Variants in RIPOR2 observed in about 807,000 individuals in gnomAD.
The protein encoded by RIPOR2 is rho family-interacting cell polarization regulator 2.
Under a neutral mutation model 114.5 loss-of-function variants are expected in RIPOR2, and 39 were observed. That is an observed-to-expected ratio of 0.34 (90% CI 0.26 to 0.44). The LOEUF is 0.44. Among genes scored for constraint, RIPOR2 ranks in the 20% least tolerant of loss-of-function variants. The pLI is 1.00. For missense variants in RIPOR2, 1,007 were observed against 1,255.1 expected (o/e 0.80, Z 2.99); for synonymous variants, 445 against 484.4 (o/e 0.92, Z 1.07).
chr6:24,891,564 A>G (rs2113971548), intron 1 of RIPOR2, among the ~76,000 whole-genome samples: 1 of 152,350 alleles, frequency 6.6e-6, no homozygotes, highest in Admixed American at 6.5e-5. Context: ...TATAGCATAA[A>G]GAAAGAACAA....
At position 24,825,244 on chromosome 6, in the gene RIPOR2, A is replaced by T; in HGVS notation, c.2850T>A (p.Asn950Lys). 2.6e-6 allele frequency: 4 copies of T among 1,550,906 alleles called. No homozygotes were observed. The South Asian group carries it at 3.6e-5, about 14-fold the overall frequency. Reference sequence around the variant, plus strand: ...GTCTTACCTTTTCCCTGAAATGCTGATTTTTGGAGGCTGCTGCCAAGTAAA... The same window carrying T: ...GTCTTACCTTTTCCCTGAAATGCTGTTTTTTGGAGGCTGCTGCCAAGTAAA... ...VTLYLAAASK[N>K]QHFREKALLY... Residue 950 changes from asparagine to lysine, a missense_variant, in exon 19 of 22, where the codon AAT becomes AAA. Physicochemically the swap from Asn to Lys is moderately conservative, Grantham distance 94. Coordinates refer to ENST00000643898, the MANE Select transcript of RIPOR2 (RefSeq NM_001286445.3).
At chr6:24,983,120 C>T (rs115518316) in intron 1 of RIPOR2, among the ~76,000 whole-genome samples, 1,557 of 151,846 alleles carry the variant, frequency 0.01, 21 homozygotes, top group African/African-American at 0.026. Flanking sequence ...TGTTGCAGTC[C>T]GCAAACTTGG....
chr6:24,932,314 CTG>C (rs58590259), intron 1 of RIPOR2, among the ~76,000 whole-genome samples: 84,135 of 148,986 alleles, frequency 0.56, 24,241 homozygotes, highest in Admixed American at 0.64. Context: ...AAACTTAAGA[CTG>C]TGTGTGTGTG....
Position 24,825,333 on chromosome 6 carries a change from C to A in RIPOR2, c.2761G>T (p.Val921Leu), listed in dbSNP as rs1176369313. Reference sequence around the variant, plus strand: ...AATAGCAGAGCCAGAGTCCTGAGTACTTCCTGCTGGGCCAGGAGGTTGCTG... The same window carrying A: ...AATAGCAGAGCCAGAGTCCTGAGTAATTCCTGCTGGGCCAGGAGGTTGCTG... ...APSNLLAQQE[V>L]LRTLALLLTR... The change falls in exon 19 of 22, where the codon GTA becomes TTA. Residue 921 changes from valine (V) to leucine (L), a missense_variant. By Grantham distance (32) the Val-to-Leu change is conservative (BLOSUM62 1). Coordinates refer to ENST00000643898, the MANE Select transcript of RIPOR2 (RefSeq NM_001286445.3). The A allele has an allele frequency of 6.4e-7, 1 of 1,551,942 alleles. No individual in the cohort carries two copies. Among genetic ancestry groups the A allele is most frequent in the Non-Finnish European group, 8.7e-7 (1 of 1,146,984 alleles).
chr6:24,824,243 C>T (rs1003360299), intron 19 of RIPOR2, among the ~76,000 whole-genome samples: 1 of 152,208 alleles, frequency 6.6e-6, no homozygotes, highest in African/African-American at 2.4e-5. Flanking sequence ...GCCCACAGAA[C>T]AGCTTTTTGA....
intron 1 of RIPOR2, among the ~76,000 whole-genome samples, chr6:24,935,495 A>G (rs1481189481): frequency 6.6e-6 from 1 of 152,146 alleles, no homozygotes; most frequent in African/African-American, 2.4e-5. Flanking sequence ...CTGTGCTCAA[A>G]CCACTGTGAC....
chr6:24,851,911 T>C (rs1432069072), intron 9 of RIPOR2, among the ~76,000 whole-genome samples: 2 of 150,968 alleles, frequency 1.3e-5, no homozygotes, highest in African/African-American at 4.9e-5. Flanking sequence ...TTTCCATTCT[T>C]AGAAGAATTT....
intron 1 of RIPOR2, among the ~76,000 whole-genome samples, chr6:24,926,906 TCAC>T (rs978762502): frequency 6.6e-6 from 1 of 151,258 alleles, no homozygotes; most frequent in Non-Finnish European, 1.5e-5. Flanking sequence ...ATTACCATCA[TCAC>T]CACCACCATC....
chr6:24,964,612 GT>G (rs2114227462), intron 1 of RIPOR2, among the ~76,000 whole-genome samples: 1 of 152,292 alleles, frequency 6.6e-6, no homozygotes, highest in South Asian at 2.1e-4. Context: ...TTGTGTACAG[GT>G]TTTTGTGTGG....
intron 1 of RIPOR2, among the ~76,000 whole-genome samples, chr6:24,904,266 C>T (rs1226559665): frequency 6.6e-6 from 1 of 152,180 alleles, no homozygotes; most frequent in Non-Finnish European, 1.5e-5. Context: ...GCTGTGTTAC[C>T]TTCCGGCGGC....
chr6:24,987,143 G>A (rs1369475616), intron 1 of RIPOR2, among the ~76,000 whole-genome samples: 2 of 152,208 alleles, frequency 1.3e-5, no homozygotes, highest in Non-Finnish European at 2.9e-5. Context: ...GGCTGATAGT[G>A]AAGTCTTGAA....
intron 2 of RIPOR2, among the ~76,000 whole-genome samples, chr6:24,874,011 G>A (rs1765469859): frequency 6.6e-6 from 1 of 151,904 alleles, no homozygotes; most frequent in African/African-American, 2.4e-5. Flanking sequence ...AGTAGCATGT[G>A]CCACCACACC....
chr6:25,026,712 C>T (rs1008392323), intron 1 of RIPOR2, among the ~76,000 whole-genome samples: 2 of 152,126 alleles, frequency 1.3e-5, no homozygotes, highest in Admixed American at 6.5e-5. Flanking sequence ...CATTGTCAAA[C>T]GGAGATTACG....
chr6:25,000,398 C>A (rs1775251230), intron 1 of RIPOR2, among the ~76,000 whole-genome samples: 1 of 152,166 alleles, frequency 6.6e-6, no homozygotes, highest in Non-Finnish European at 1.5e-5. Context: ...GGAGTGTATC[C>A]TGTGCACTGT....
intron 1 of RIPOR2, among the ~76,000 whole-genome samples, chr6:24,919,138 C>T (rs1315192506): frequency 1.3e-5 from 2 of 152,242 alleles, no homozygotes; most frequent in East Asian, 3.8e-4. Context: ...CCTGGCCCCA[C>T]TGCCCCTCTT....
intron 1 of RIPOR2, among the ~76,000 whole-genome samples, chr6:24,903,434 G>A (rs1296668943): frequency 6.6e-6 from 1 of 151,974 alleles, no homozygotes; most frequent in East Asian, 1.9e-4. Flanking sequence ...TTATTACTGA[G>A]GGCATCTTTG....
intron 19 of RIPOR2, among the ~76,000 whole-genome samples, chr6:24,824,119 C>T (rs1204942673): frequency 6.6e-6 from 1 of 152,186 alleles, no homozygotes; most frequent in Non-Finnish European, 1.5e-5. Context: ...TAAAGAGTAT[C>T]ACAGACCTGC....
intron 1 of RIPOR2, among the ~76,000 whole-genome samples, chr6:25,011,551 G>A (rs1358044761): frequency 1.3e-5 from 2 of 152,194 alleles, no homozygotes; most frequent in African/African-American, 4.8e-5. Context: ...AATGTGTGAG[G>A]GGAATTGGAT....
chr6:24,823,222 CT>C (rs1759856986), intron 19 of RIPOR2, among the ~76,000 whole-genome samples: 1 of 152,158 alleles, frequency 6.6e-6, no homozygotes, highest in Non-Finnish European at 1.5e-5. Flanking sequence ...TGCTTTGCAT[CT>C]AGTTTTAAGA....
Sources: allele counts gnomAD v4.1 joint callset (sites outside exome capture counted in the v4.1 genomes callset), GRCh38; gene constraint gnomAD v4.1.1; transcripts MANE v1.5; gene names NCBI Gene and HGNC (gene_info 2026-07-23, HGNC 2026-07-21).